The following TMEM255B variants were observed in gnomAD, a reference collection of about 807,000 sequenced individuals.
The protein encoded by TMEM255B is transmembrane protein 255B, also known as family with sequence similarity 70, member B.
TMEM255B carries 35 observed loss-of-function variants against 34.5 expected under a neutral mutation model. That is an observed-to-expected ratio of 1.01 (90% CI 0.77 to 1.34). TMEM255B has a LOEUF of 1.34. Ranked by LOEUF, TMEM255B falls within the 40% of genes most tolerant of loss-of-function variation. The probability of loss-of-function intolerance (pLI) is 0.00; values close to 1 mark genes in which losing one functional copy is unlikely to be tolerated. For synonymous variants in TMEM255B, 206 were observed against 201.2 expected, an observed-to-expected ratio of 1.02 and a Z score of -0.20; for missense variants, 432 against 433.2, an observed-to-expected ratio of 1.00 and a Z score of 0.02.
intron 7 of TMEM255B, among the ~76,000 whole-genome samples, chr13:113,802,419 C>T (rs936765001): frequency 6.6e-5 from 10 of 152,206 alleles, no homozygotes; most frequent in Non-Finnish European, 8.8e-5. Flanking sequence ...CAGCAAACCC[C>T]GCCCCCTGAA....
In TMEM255B at chr13:113,804,909, G is replaced by C; in HGVS notation, c.694G>C (p.Gly232Arg). 6.2e-7 allele frequency: 1 copy of C among 1,602,216 alleles called. No individual in the cohort carries two copies. Among genetic ancestry groups the C allele is most frequent in the Non-Finnish European group, 8.5e-7 (1 of 1,179,150 alleles). The change falls in exon 8 of 9, where the codon GGC becomes CGC. Residue 232 changes from glycine to arginine, a missense_variant. By Grantham distance (125) the Gly-to-Arg change is moderately radical. Coordinates refer to ENST00000375353, the MANE Select transcript of TMEM255B (RefSeq NM_182614.4). ...GGTGCCTCTGTCCCAGCTGGCCTAT[G>C]GCCCAGCCGTCCCACCACAGACCCT... ...DMVPLSQLAY[G>R]PAVPPQTLYN...
intron 3 of TMEM255B, among the ~76,000 whole-genome samples, chr13:113,787,824 A>G (rs1413469338): frequency 1.3e-5 from 2 of 151,086 alleles, no homozygotes; most frequent in Non-Finnish European, 2.9e-5. Flanking sequence ...CAGGCAGGGC[A>G]TGGTGACCTT....
chr13:113,785,484 C>G (rs1482373449), intron 3 of TMEM255B, among the ~76,000 whole-genome samples: 1 of 152,234 alleles, frequency 6.6e-6, no homozygotes, highest in Non-Finnish European at 1.5e-5. Flanking sequence ...ACCTCTCTTG[C>G]TGTTGTCTTT....
At chr13:113,808,029 G>A (rs1046586990) in intron 8 of TMEM255B, among the ~76,000 whole-genome samples, 1 of 152,218 alleles carries the variant, frequency 6.6e-6, no homozygotes, top group African/African-American at 2.4e-5. Flanking sequence ...GCATGTGTGG[G>A]AGCTTAATAT....
At chr13:113,773,071 A>T (rs1026870628) in intron 3 of TMEM255B, among the ~76,000 whole-genome samples, 2 of 152,212 alleles carry the variant, frequency 1.3e-5, no homozygotes, top group African/African-American at 4.8e-5. Flanking sequence ...TTTAGTTTTT[A>T]AAACAATGTT....
rs538741411 is a variant in TMEM255B, at chr13:113,770,979, T to G, written c.252+1819T>G. Among the ~76,000 whole-genome samples, 1 of 152,284 alleles carries G rather than the reference T, an allele frequency of 6.6e-6. No homozygotes were observed. Among genetic ancestry groups the G allele is most frequent in the East Asian group, 1.9e-4 (1 of 5,186 alleles). On this transcript the variant is annotated intron_variant, in intron 3 of 8. Transcript: ENST00000375353. This position sits in a 1 kb window ranked among gnomAD's most constrained non-coding sequence, Gnocchi z 4.6. ...GTGGACAGTGTGGGTCTGTTTTTCT[T>G]TCCTTTTAAAAAAATGGCTTTAATG...
Position 113,759,306 on chromosome 13 carries a change from G to A in TMEM255B, c.37G>A (p.Asp13Asn), listed in dbSNP as rs909963243. Residue 13 changes from aspartate (D) to asparagine (N), a missense_variant, in exon 1 of 9, where the codon GAC becomes AAC. By Grantham distance (23) the Asp-to-Asn change is conservative (BLOSUM62 1). Coordinates refer to ENST00000375353, the MANE Select transcript of TMEM255B (RefSeq NM_182614.4). Reference sequence around the variant, plus strand: ...GGTGCCCGGGCCCCTGGGCCTGCTGGACCCCGCAGGTGAGCGCGGGGCTGG... The same window carrying A: ...GGTGCCCGGGCCCCTGGGCCTGCTGAACCCCGCAGGTGAGCGCGGGGCTGG... ...PPVPGPLGLLDPAEGLSRRKK... is the reference protein window; with the variant it reads ...PPVPGPLGLLNPAEGLSRRKK... The A allele has an allele frequency of 3.3e-6, 4 of 1,229,472 alleles. No individual in the cohort carries two copies. Among genetic ancestry groups the A allele is most frequent in the Non-Finnish European group, 3.0e-6 (3 of 986,540 alleles). The allele number at this position is 1,229,472 out of a possible 1,614,324, so 76.2% of individuals were successfully genotyped here. A position where few individuals can be genotyped will look rare whatever the true frequency, so the allele number is the denominator to read the frequency against.
chr13:113,797,554 G>T (rs1024683251), intron 4 of TMEM255B, among the ~76,000 whole-genome samples: 4 of 152,208 alleles, frequency 2.6e-5, no homozygotes, highest in African/African-American at 9.7e-5. Context: ...GCTACTCATT[G>T]TTACCTGTGG....
At position 113,813,042 on chromosome 13, in the gene TMEM255B, A is replaced by C. The variant is rs1323478877; in HGVS notation, c.*1139A>C. 1 of 146,858 alleles carries C rather than the reference A, an allele frequency of 6.8e-6. No individual in the cohort carries two copies. Among genetic ancestry groups the C allele is most frequent in the East Asian group, 2.0e-4 (1 of 4,932 alleles). The allele number at this position is 146,858 out of a possible 1,614,324, so 9.1% of individuals were successfully genotyped here. A position where few individuals can be genotyped will look rare whatever the true frequency, so the allele number is the denominator to read the frequency against. On this transcript the variant is annotated 3_prime_UTR_variant, in exon 9 of 9. Transcript: ENST00000375353. The stretch of plus-strand genomic sequence containing the variant: ...GTCCCGGGTGGGTCACAGGCGCCCC[A>C]GTGACAGGAGTTCAGGATGCGCCAC...
chr13:113,780,193 G>A (rs1245072983), intron 3 of TMEM255B, among the ~76,000 whole-genome samples: 1 of 152,228 alleles, frequency 6.6e-6, no homozygotes, highest in African/African-American at 2.4e-5. Context: ...TGCAGGGACT[G>A]TGTACACAGA....
intron 8 of TMEM255B, among the ~76,000 whole-genome samples, chr13:113,808,514 C>T (rs1270987394): frequency 6.6e-6 from 1 of 151,612 alleles, no homozygotes; most frequent in East Asian, 1.9e-4. Flanking sequence ...GCGGTTTACT[C>T]CATGTTCCTG....
chr13:113,807,859 C>T lies in TMEM255B; in HGVS notation c.813+2831C>T, dbSNP rs560082497. Among the ~76,000 whole-genome samples, 9 of 147,340 alleles carry T rather than the reference C, an allele frequency of 6.1e-5. 1 individual carries two copies. The East Asian group carries it at 1.7e-3, about 27-fold the overall frequency. ...GTCCTCCCCGTCACACGCGGGCTTACGGGACGTGGGGGGCACAGGGGCAGA... is the reference window on the plus strand; with the variant it reads ...GTCCTCCCCGTCACACGCGGGCTTATGGGACGTGGGGGGCACAGGGGCAGA... On this transcript the variant is annotated intron_variant, in intron 8 of 8. Transcript: ENST00000375353.
intron 2 of TMEM255B, chr13:113,768,849 C>G (rs1322829404): frequency 5.1e-6 from 3 of 588,182 alleles, no homozygotes; most frequent in Non-Finnish European, 9.9e-6. Context: ...CCCAGAGTCA[C>G]AAGCCAAACA....
chr13:113,802,914 G>A (rs2051092865), intron 7 of TMEM255B: 1 of 148,164 alleles, frequency 6.7e-6, no homozygotes, highest in African/African-American at 2.5e-5. Flanking sequence ...CCCTGCGGTG[G>A]GAGCGGGAGT....
intron 8 of TMEM255B, among the ~76,000 whole-genome samples, chr13:113,807,050 T>C (rs978167962): frequency 6.6e-6 from 1 of 152,122 alleles, no homozygotes; most frequent in Non-Finnish European, 1.5e-5. Context: ...AGCCCCTTCC[T>C]CTTCTCTGGC....
At chr13:113,783,102 G>A (rs1351438613) in intron 3 of TMEM255B, among the ~76,000 whole-genome samples, 1 of 152,134 alleles carries the variant, frequency 6.6e-6, no homozygotes, top group Non-Finnish European at 1.5e-5. Flanking sequence ...GGGGAGAAAA[G>A]TTTGACCTTC....
intron 3 of TMEM255B, among the ~76,000 whole-genome samples, chr13:113,776,078 G>T (rs77750330): frequency 6.6e-6 from 1 of 152,178 alleles, no homozygotes; most frequent in Non-Finnish European, 1.5e-5. Flanking sequence ...CCATGCAAAC[G>T]CCTCAGGCCA....
rs574056507 is a variant in TMEM255B at position 113,769,129 on chromosome 13, G to A, written c.221G>A (p.Gly74Asp). Residue 74 changes from glycine (G) to aspartate (D), a missense_variant, in exon 3 of 9, where the codon GGC becomes GAC. Coordinates refer to ENST00000375353, the MANE Select transcript of TMEM255B (RefSeq NM_182614.4). The surrounding 1 kb of genome is among the most constrained non-coding windows in gnomAD (Gnocchi z 4.2). ...TTTGGATCTTTCTTAGGAATTATTGGCATCAACTTGGTGGAGAATAGAAGG... is the reference window on the plus strand; with the variant it reads ...TTTGGATCTTTCTTAGGAATTATTGACATCAACTTGGTGGAGAATAGAAGG... ...LGFGSFLGII[G>D]INLVENRRQM... 6.2e-7 allele frequency: 1 copy of A among 1,614,140 alleles called. No homozygotes were observed. The highest frequency in any genetic ancestry group is 1.1e-5 in the South Asian group (1 of 91,084).
chr13:113,805,391 A>G (rs1447317177), intron 8 of TMEM255B, among the ~76,000 whole-genome samples: 1 of 152,314 alleles, frequency 6.6e-6, no homozygotes, highest in African/African-American at 2.4e-5. Flanking sequence ...GTGGAGCCAT[A>G]TGGATCTGCC....
Sources: allele counts gnomAD v4.1 joint callset (sites outside exome capture counted in the v4.1 genomes callset), GRCh38; gene constraint gnomAD v4.1.1; non-coding constraint Gnocchi (gnomAD v3.1); transcripts MANE v1.5; gene names NCBI Gene and HGNC (gene_info 2026-07-23, HGNC 2026-07-21).